Variants in SLC25A33 observed in about 807,000 individuals in gnomAD.
The protein encoded by SLC25A33 is solute carrier family 25 member 33.
Under a neutral mutation model 35.5 loss-of-function variants are expected in SLC25A33, and 15 were observed. That is an observed-to-expected ratio of 0.42 (90% CI 0.28 to 0.65). The LOEUF (loss-of-function observed/expected upper bound fraction) is 0.65. Among genes scored for constraint, SLC25A33 ranks in the 30% least tolerant of loss-of-function variants. The pLI is 0.20. For synonymous variants in SLC25A33, 136 were observed against 148.7 expected (o/e 0.91, Z 0.62); for missense variants, 257 against 398.5 (o/e 0.64, Z 3.02).
At chr1:9,564,725 T>TAAAAAAAAAAAAAA (rs1553146726) in intron 2 of SLC25A33, among the ~76,000 whole-genome samples, 4 of 94,526 alleles carry the variant, frequency 4.2e-5, no homozygotes, top group African/African-American at 2.0e-4. Flanking sequence ...CGTCTCTATT[T>TAAAAAAAAAAAAAA]AAAAAAAAAA....
At chr1:9,568,364 C>A (rs1643539737) in intron 3 of SLC25A33, among the ~76,000 whole-genome samples, 1 of 152,040 alleles carries the variant, frequency 6.6e-6, no homozygotes, top group South Asian at 2.1e-4. Context: ...TTGCTTGAAC[C>A]CAGTGGGAGG....
chr1:9,572,550 G>A (rs937981340), intron 4 of SLC25A33, among the ~76,000 whole-genome samples: 13 of 152,028 alleles, frequency 8.6e-5, no homozygotes, highest in African/African-American at 2.9e-4. Flanking sequence ...CCCGGGAGGC[G>A]GAGCTTGCAG....
intron 2 of SLC25A33, among the ~76,000 whole-genome samples, chr1:9,564,237 T>C (rs1235777509): frequency 6.6e-6 from 1 of 152,166 alleles, no homozygotes; most frequent in Non-Finnish European, 1.5e-5. Flanking sequence ...AAGTCGCTTT[T>C]AATTGGAAAC....
intron 5 of SLC25A33, among the ~76,000 whole-genome samples, chr1:9,575,234 A>T (rs895758943): frequency 1.3e-5 from 2 of 150,872 alleles, no homozygotes; most frequent in Non-Finnish European, 3.0e-5. Context: ...AAAAAAAAAA[A>T]ATAAGAACCC....
At chr1:9,552,950 C>G (rs1359116728) in intron 1 of SLC25A33, among the ~76,000 whole-genome samples, 1 of 117,734 alleles carries the variant, frequency 8.5e-6, no homozygotes, top group Non-Finnish European at 1.6e-5. Context: ...TGGAGTCTTG[C>G]TCTGTTGCCC....
intron 5 of SLC25A33, among the ~76,000 whole-genome samples, chr1:9,579,125 A>G (rs1299723119): frequency 1.3e-5 from 2 of 152,100 alleles, no homozygotes; most frequent in African/African-American, 4.8e-5. Flanking sequence ...CTCTCCTCAA[A>G]CCATGTTTTT....
At chr1:9,540,816 C>G (rs1211609382) in intron 1 of SLC25A33, among the ~76,000 whole-genome samples, 1 of 152,174 alleles carries the variant, frequency 6.6e-6, no homozygotes, top group Non-Finnish European at 1.5e-5. Context: ...TGGAAGATGA[C>G]TGATGAAAGC....
chr1:9,562,022 G>A (rs993830657), intron 2 of SLC25A33, among the ~76,000 whole-genome samples: 11 of 141,530 alleles, frequency 7.8e-5, no homozygotes, highest in Non-Finnish European at 1.2e-4. Context: ...CACTGCACTC[G>A]CCTGGCGACA....
At position 9,582,594 on chromosome 1, in the gene SLC25A33, C is replaced by A; in HGVS notation, c.*93C>A. 8.3e-7 allele frequency: 1 copy of A among 1,210,842 alleles called. No individual in the cohort carries two copies. The highest frequency in any genetic ancestry group is 1.5e-5 in the South Asian group (1 of 66,430). The allele number at this position is 1,210,842 out of a possible 1,614,324, so 75.0% of individuals were successfully genotyped here. A position where few individuals can be genotyped will look rare whatever the true frequency, so the allele number is the denominator to read the frequency against. On this transcript the variant is annotated 3_prime_UTR_variant, in exon 7 of 7. Coordinates refer to ENST00000302692, the MANE Select transcript of SLC25A33 (RefSeq NM_032315.3). This position sits in a 1 kb window ranked among gnomAD's most constrained non-coding sequence, Gnocchi z 4.0. The stretch of plus-strand genomic sequence containing the variant: ...ATGTTTAGAAAGTTTGAGACTGAAA[C>A]AGGAAAGGCCATAAAATATCTGGTT...
intron 1 of SLC25A33, among the ~76,000 whole-genome samples, chr1:9,543,729 GCT>G (rs1375848419): frequency 2.0e-5 from 3 of 152,116 alleles, no homozygotes; most frequent in Non-Finnish European, 4.4e-5. Flanking sequence ...GGATGCTTTG[GCT>G]CTTATTTTTA....
intron 2 of SLC25A33, among the ~76,000 whole-genome samples, chr1:9,558,828 C>A (rs1381933344): frequency 6.6e-6 from 1 of 152,224 alleles, no homozygotes; most frequent in Admixed American, 6.5e-5. Flanking sequence ...CCTCTACCCT[C>A]AGTCTGATCT....
intron 5 of SLC25A33, among the ~76,000 whole-genome samples, chr1:9,573,694 C>G (rs1322950230): frequency 6.6e-6 from 1 of 152,178 alleles, no homozygotes; most frequent in Non-Finnish European, 1.5e-5. Flanking sequence ...CAGTGACTGT[C>G]TCTCCTTTGC....
At position 9,583,855 on chromosome 1, in the gene SLC25A33, C is replaced by G. The variant is rs1042285536; in HGVS notation, c.*1354C>G. On this transcript the variant is annotated 3_prime_UTR_variant, in exon 7 of 7. Coordinates refer to ENST00000302692, the MANE Select transcript of SLC25A33 (RefSeq NM_032315.3). ...AAAAAATACAAAAAAATTGGCCATG[C>G]GTGGTGGCGGGCACCCATAGTCCCA... The G allele has an allele frequency of 3.3e-5, 5 of 152,034 alleles. No individual in the cohort carries two copies. The highest frequency in any genetic ancestry group is 1.2e-4 in the African/African-American group (5 of 41,370). The allele number at this position is 152,034 out of a possible 1,614,324, so 9.4% of individuals were successfully genotyped here.
chr1:9,553,539 A>G (rs1464552578), intron 1 of SLC25A33, 87 bp from the exon 2 acceptor site: 4 of 1,494,096 alleles, frequency 2.7e-6, no homozygotes, highest in East Asian at 4.5e-5. Flanking sequence ...GGCACGTTCT[A>G]GTTTTAAAGA....
intron 4 of SLC25A33, among the ~76,000 whole-genome samples, chr1:9,572,044 C>T (rs56053581): frequency 0.15 from 22,910 of 152,098 alleles, 1,871 homozygotes; most frequent in East Asian, 0.29. Context: ...GTTGTTACTC[C>T]AAATACAAGT....
intron 1 of SLC25A33, among the ~76,000 whole-genome samples, chr1:9,552,727 TC>T (rs1643283238): frequency 1.3e-5 from 2 of 152,006 alleles, no homozygotes; most frequent in Admixed American, 1.3e-4. Context: ...ATCTTATCAA[TC>T]GATAAGGCAG....
intron 1 of SLC25A33, among the ~76,000 whole-genome samples, chr1:9,541,892 T>C (rs4926479): frequency 0.98 from 148,715 of 151,938 alleles, 72,800 homozygotes; most frequent in East Asian, 1. Flanking sequence ...CTCCGCCTCC[T>C]GGGTTCACGC....
chr1:9,543,206 C>G (rs1466739560), intron 1 of SLC25A33, among the ~76,000 whole-genome samples: 1 of 151,828 alleles, frequency 6.6e-6, no homozygotes, highest in South Asian at 2.1e-4. Context: ...TGCAGTGGTG[C>G]GATCTCAGCT....
chr1:9,554,914 T>C (rs1048923541), intron 2 of SLC25A33, among the ~76,000 whole-genome samples: 4 of 152,246 alleles, frequency 2.6e-5, no homozygotes, highest in African/African-American at 9.6e-5. Context: ...GACCTTGTAC[T>C]TTGAGATGCT....
Sources: gnomAD v4.1 joint callset for allele counts (sites outside exome capture counted in the v4.1 genomes callset) on GRCh38, gnomAD v4.1.1 for gene constraint, Gnocchi (gnomAD v3.1) non-coding constraint, MANE v1.5 for transcripts, NCBI Gene and HGNC (gene_info 2026-07-23, HGNC 2026-07-21) for gene names.